The following SLC7A10 variants were observed in gnomAD, a reference collection of about 807,000 sequenced individuals.
SLC7A10 encodes the protein asc-type amino acid transporter 1.
A neutral mutation model predicts 52.7 loss-of-function variants in SLC7A10; 30 were observed. The ratio of observed to expected loss-of-function variants is 0.57; its 90% CI spans 0.43 to 0.77. The LOEUF (loss-of-function observed/expected upper bound fraction) is 0.77, where lower values mean the gene tolerates loss of function less well. Ranked by LOEUF, SLC7A10 falls within the 30% of genes least tolerant of loss-of-function variation. SLC7A10 has a pLI of 0.00. For missense variants in SLC7A10, 581 were observed against 698.5 expected (o/e 0.83, Z 1.90); for synonymous variants, 318 against 314.9 (o/e 1.01, Z -0.10).
At chr19:33,212,809 A>T in intron 3 of SLC7A10, 42 bp downstream of exon 3, 1 of 1,609,806 alleles carries the variant, frequency 6.2e-7, no homozygotes, top group Non-Finnish European at 8.5e-7. Context: ...GAGCCCGGGC[A>T]GGTGGCTGAT....
At chr19:33,224,647 C>A (rs1974884300) in intron 1 of SLC7A10, among the ~76,000 whole-genome samples, 1 of 152,154 alleles carries the variant, frequency 6.6e-6, no homozygotes, top group Non-Finnish European at 1.5e-5. Context: ...ACTCACCCCC[C>A]AAACCACTTC....
chr19:33,210,796 A>G lies in SLC7A10; in HGVS notation c.1113+6T>C, dbSNP rs778058624. The G allele has an allele frequency of 1.7e-5, 27 of 1,613,188 alleles. No homozygotes were observed. The highest frequency in any genetic ancestry group is 7.7e-5 in the South Asian group (7 of 91,094). ...CGCCCTGCCTGGCCCAGGTCCCCCA[A>G]CTTACACAGACGAGGAGGGCGGGGA... On this transcript the variant is annotated splice_donor_region_variant and intron_variant, in intron 8 of 10. Transcript: ENST00000253188. This position sits in a 1 kb window ranked among gnomAD's most constrained non-coding sequence, Gnocchi z 5.6.
chr19:33,214,194 T>C (rs1403605389), intron 2 of SLC7A10, among the ~76,000 whole-genome samples: 1 of 152,026 alleles, frequency 6.6e-6, no homozygotes, highest in Non-Finnish European at 1.5e-5. Context: ...TTGAGGACCC[T>C]CTCCCCAGAG....
chr19:33,215,814 C>G lies in SLC7A10; in HGVS notation c.311G>C (p.Gly104Ala). ...AELGVAIPKS[G>A]GDYAYVTEIF... is the part of the protein sequence containing the mutation. ...CTCTGTGACGTAGGCGTAGTCCCCG[C>G]CAGACTTGGGGATGGCGACTCCCAG... The change falls in exon 2 of 11, where the codon GGC (glycine) becomes GCC (alanine). Residue 104 changes from glycine to alanine, a missense_variant. By Grantham distance (60) the Gly-to-Ala change is moderately conservative (BLOSUM62 0). Coordinates refer to ENST00000253188, the MANE Select transcript of SLC7A10 (RefSeq NM_019849.3). The G allele has an allele frequency of 6.3e-7, 1 of 1,579,844 alleles. No individual in the cohort carries two copies. The highest frequency in any genetic ancestry group is 8.6e-7 in the Non-Finnish European group (1 of 1,163,206).
chr19:33,209,914 T>C (rs1176574996), intron 9 of SLC7A10, among the ~76,000 whole-genome samples: 4 of 151,872 alleles, frequency 2.6e-5, no homozygotes, highest in African/African-American at 4.8e-5. Flanking sequence ...TTTGTGACCT[T>C]GAACAGTTCC....
intron 10 of SLC7A10, 37 bp from the exon 11 acceptor site, chr19:33,209,058 T>C: frequency 6.2e-7 from 1 of 1,611,806 alleles, no homozygotes; most frequent in Non-Finnish European, 8.5e-7. Flanking sequence ...GCCTGACCTC[T>C]CGGGATAGGG....
At chr19:33,214,778 C>A (rs1020274475) in intron 2 of SLC7A10, among the ~76,000 whole-genome samples, 3 of 152,226 alleles carry the variant, frequency 2.0e-5, no homozygotes, top group African/African-American at 7.2e-5. Context: ...GTAGCTGCTG[C>A]CTCTTGTACA....
At position 33,215,689 on chromosome 19, in the gene SLC7A10, G is replaced by T. The variant is rs528575604; in HGVS notation, c.356+80C>A. The T allele has an allele frequency of 1.2e-5, 17 of 1,386,316 alleles. No homozygotes were observed. In the East Asian group the frequency reaches 2.2e-4, roughly 18 times the overall value. The allele number at this position is 1,386,316 out of a possible 1,614,324, so 85.9% of individuals were successfully genotyped here. ...CCTCCCTAGGAAGCCGGAAGCAGGA[G>T]TGGAAACTGATGCCAGGGCTCATTT... On this transcript the variant is annotated intron_variant, in intron 2 of 10. Coordinates refer to ENST00000253188, the MANE Select transcript of SLC7A10 (RefSeq NM_019849.3).
At chr19:33,212,112 G>A in intron 5 of SLC7A10, 180 bp downstream of exon 5, 1 of 827,404 alleles carries the variant, frequency 1.2e-6, no homozygotes, top group Non-Finnish European at 1.9e-6. Flanking sequence ...AGAGAGAACA[G>A]GGCCAGGCTA....
rs1360956106 is a variant in SLC7A10 at position 33,211,782 on chromosome 19, G to A, written c.789-245C>T. ...GGGCCCCATCACATCCTGAGGACAG[G>A]GTCTGATGTCTGTGCAGAAAGATAA... On this transcript the variant is annotated intron_variant, in intron 5 of 10. Transcript: ENST00000253188. The A allele has an allele frequency of 6.5e-6, 4 of 611,972 alleles. No homozygotes were observed. The African/African-American group carries it at 7.4e-5, about 11-fold the overall frequency. 37.9% of individuals were successfully genotyped at this position (611,972 alleles called of 1,614,324 possible).
chr19:33,209,557 C>T, intron 9 of SLC7A10, 72 bp from the exon 10 acceptor site: 1 of 1,520,842 alleles, frequency 6.6e-7, no homozygotes, highest in Non-Finnish European at 9.0e-7. Flanking sequence ...CCCTGGGGGT[C>T]TGGGGAATTT....
intron 2 of SLC7A10, 73 bp from the exon 3 acceptor site, chr19:33,213,075 C>T (rs1974593472): frequency 6.5e-7 from 1 of 1,545,992 alleles, no homozygotes; most frequent in South Asian, 1.2e-5. Flanking sequence ...CTGATGTGTG[C>T]AGCAGGGCTG....
In SLC7A10 at chr19:33,210,534, T is replaced by C; in HGVS notation, c.1196A>G (p.Tyr399Cys). Residue 399 changes from tyrosine (Y) to cysteine (C), a missense_variant, in exon 9 of 11, where the codon TAC becomes TGC. Transcript: ENST00000253188. This position sits in a 1 kb window ranked among gnomAD's most constrained non-coding sequence, Gnocchi z 5.6. ...NYVSFINYLC[Y>C]GVTILGLLLL... ...CAGCAGGCCCAGGATGGTGACGCCG[T>C]AGCAGAGGTAGTTGATGAAGGACAC... The C allele has an allele frequency of 6.2e-7, 1 of 1,611,474 alleles. No individual in the cohort carries two copies.
Position 33,210,545 on chromosome 19 carries a change from G to T in SLC7A10, c.1185C>A (p.Asn395Lys). The T allele has an allele frequency of 6.2e-7, 1 of 1,612,116 alleles. No individual in the cohort carries two copies. The highest frequency in any genetic ancestry group is 1.1e-5 in the South Asian group (1 of 91,088). Residue 395 changes from asparagine (N) to lysine (K), a missense_variant, in exon 9 of 11, where the codon AAC becomes AAA. Physicochemically the swap from Asn to Lys is moderately conservative, Grantham distance 94. Coordinates refer to ENST00000253188, the MANE Select transcript of SLC7A10 (RefSeq NM_019849.3). The surrounding 1 kb of genome is among the most constrained non-coding windows in gnomAD (Gnocchi z 5.6). ...GGATGGTGACGCCGTAGCAGAGGTAGTTGATGAAGGACACATAGTTGATGA... is the reference window on the plus strand; with the variant it reads ...GGATGGTGACGCCGTAGCAGAGGTATTTGATGAAGGACACATAGTTGATGA... ...YTLINYVSFI[N>K]YLCYGVTILG...
In SLC7A10 at chr19:33,212,506, G is replaced by A. The variant is rs767445526; in HGVS notation, c.634+8C>T. ...CCCAGCCCGGCCCTTACCCCGACTCGGCCCTACCTTGGAAGATCTGGAGAA... is the reference window on the plus strand; with the variant it reads ...CCCAGCCCGGCCCTTACCCCGACTCAGCCCTACCTTGGAAGATCTGGAGAA... On this transcript the variant is annotated splice_region_variant and intron_variant, in intron 4 of 10. Coordinates refer to ENST00000253188, the MANE Select transcript of SLC7A10 (RefSeq NM_019849.3). The A allele has an allele frequency of 6.8e-6, 11 of 1,613,850 alleles. No homozygotes were observed. The highest frequency in any genetic ancestry group is 9.3e-6 in the Non-Finnish European group (11 of 1,180,036).
rs1257595950 is a variant in SLC7A10 at position 33,211,831 on chromosome 19, C to G, written c.789-294G>C. ...AAAATCGCATACAGCCAAAATCAGC[C>G]TGGAAAATTCCCCAAAATGGCCCCA... On this transcript the variant is annotated intron_variant, in intron 5 of 10. Transcript: ENST00000253188. 5.8e-6 allele frequency: 3 copies of G among 513,240 alleles called. No individual in the cohort carries two copies. In the Admixed American group the frequency reaches 9.7e-5, roughly 17 times the overall value. The allele number at this position is 513,240 out of a possible 1,614,324, so 31.8% of individuals were successfully genotyped here. A position where few individuals can be genotyped will look rare whatever the true frequency, so the allele number is the denominator to read the frequency against.
At position 33,218,684 on chromosome 19, in the gene SLC7A10, T is replaced by TCTTTC. The variant is rs1456336386; in HGVS notation, c.152-2712_152-2711insGAAAG. Among the ~76,000 whole-genome samples the TCTTTC allele has an allele frequency of 3.1e-3, 150 of 48,670 alleles. 2 individuals carry two copies. Among genetic ancestry groups the TCTTTC allele is most frequent in the African/African-American group, 7.7e-3 (135 of 17,550 alleles). 31.9% of individuals were successfully genotyped at this position (48,670 alleles called of 152,430 possible). A position where few individuals can be genotyped will look rare whatever the true frequency, so the allele number is the denominator to read the frequency against. ...GGATTTCTTTCTTTCTTTCTTTCTT[T>TCTTTC]TTTTTTTTTTTTTAGTAGAGATGGG... On this transcript the variant is annotated intron_variant, in intron 1 of 10. Transcript: ENST00000253188.
Position 33,210,162 on chromosome 19 carries a change from G to A in SLC7A10, c.1263+305C>T, listed in dbSNP as rs1300907520. 6.6e-6 allele frequency among the ~76,000 whole-genome samples: 1 copy of A among 152,028 alleles called. No homozygotes were observed. Among genetic ancestry groups the A allele is most frequent in the East Asian group, 1.9e-4 (1 of 5,184 alleles). On this transcript the variant is annotated intron_variant, in intron 9 of 10. Coordinates refer to ENST00000253188, the MANE Select transcript of SLC7A10 (RefSeq NM_019849.3). This position sits in a 1 kb window ranked among gnomAD's most constrained non-coding sequence, Gnocchi z 5.6. ...GAAGTCTCGTTATGTTGCCCAGGCT[G>A]GTCTCAAACTCCTGGGCTCCAGCAA... is the stretch of plus-strand genomic sequence containing the variant.
chr19:33,224,944 C>G (rs1362131759), intron 1 of SLC7A10, among the ~76,000 whole-genome samples: 1 of 152,238 alleles, frequency 6.6e-6, no homozygotes, highest in Non-Finnish European at 1.5e-5. Flanking sequence ...CTGCTGCCCC[C>G]AATTGCTGGC....
Sources: allele counts gnomAD v4.1 joint callset (sites outside exome capture counted in the v4.1 genomes callset), GRCh38; gene constraint gnomAD v4.1.1; non-coding constraint Gnocchi (gnomAD v3.1); transcripts MANE v1.5; gene names NCBI Gene and HGNC (gene_info 2026-07-23, HGNC 2026-07-21).